COL14A1: variants seen among roughly 807,000 people sequenced by gnomAD.
The protein encoded by COL14A1 is collagen type XIV alpha 1 chain, also known as collagen alpha-1(XIV) chain.
COL14A1 carries 136 observed loss-of-function variants against 230.3 expected under a neutral mutation model. The observed-to-expected ratio is 0.59, with a 90% CI of 0.51 to 0.68. COL14A1 has a LOEUF of 0.68. Ranked by LOEUF, COL14A1 falls within the 30% of genes least tolerant of loss-of-function variation. The pLI, the probability that COL14A1 is intolerant of heterozygous loss-of-function variation, is 0.00. For missense variants in COL14A1, 1,976 were observed against 2,215.8 expected (o/e 0.89, Z 2.17); for synonymous variants, 792 against 784.1 (o/e 1.01, Z -0.17).
At chr8:120,285,703 G>A (rs559558768) in intron 32 of COL14A1, among the ~76,000 whole-genome samples, 158 bp from the exon 33 acceptor site, 19 of 151,978 alleles carry the variant, frequency 1.3e-4, no homozygotes, top group Non-Finnish European at 1.8e-4. Context: ...AAAAGTCTGC[G>A]GCAACCTGGG....
At chr8:120,296,181 A>C (rs995738159) in intron 34 of COL14A1, among the ~76,000 whole-genome samples, 1 of 151,868 alleles carries the variant, frequency 6.6e-6, no homozygotes, top group African/African-American at 2.4e-5. Flanking sequence ...ACCTGGAAAA[A>C]AAAAGCAGTG....
At chr8:120,253,500 G>A (rs1174585866) in intron 22 of COL14A1, among the ~76,000 whole-genome samples, 1 of 152,108 alleles carries the variant, frequency 6.6e-6, no homozygotes, top group East Asian at 1.9e-4. Flanking sequence ...ATATAAATTA[G>A]TGAGTTTATT....
intron 40 of COL14A1, among the ~76,000 whole-genome samples, chr8:120,323,869 C>A (rs1821556896): frequency 6.6e-6 from 1 of 152,144 alleles, no homozygotes; most frequent in Non-Finnish European, 1.5e-5. Context: ...CAGCTTTGTT[C>A]TTTTTGCTTA....
chr8:120,309,674 T>C (rs1195982178), intron 36 of COL14A1, among the ~76,000 whole-genome samples: 1 of 152,232 alleles, frequency 6.6e-6, no homozygotes, highest in African/African-American at 2.4e-5. Flanking sequence ...TATATATGTA[T>C]GTTTTATAAC....
At chr8:120,149,061 G>A (rs1815187260) in intron 2 of COL14A1, among the ~76,000 whole-genome samples, 1 of 152,220 alleles carries the variant, frequency 6.6e-6, no homozygotes, top group Non-Finnish European at 1.5e-5. Context: ...TGAAAAGAAT[G>A]TGCTAACTTC....
chr8:120,270,251 G>A, intron 26 of COL14A1, 77 bp downstream of exon 26: 1 of 1,391,148 alleles, frequency 7.2e-7, no homozygotes, highest in Non-Finnish European at 9.8e-7. Flanking sequence ...CTACTTGTCA[G>A]GGACTATAGG....
intron 1 of COL14A1, among the ~76,000 whole-genome samples, chr8:120,137,386 A>C (rs1286999518): frequency 2.0e-5 from 3 of 152,052 alleles, no homozygotes; most frequent in African/African-American, 7.2e-5. Flanking sequence ...AGGTTTTTAA[A>C]TTTTATTAAT....
chr8:120,216,499 C>G lies in COL14A1; in HGVS notation c.1737+9C>G. ...GGACTGAAATCAATGAGGTAAGTTC[C>G]GGGACATAATGTATATTTTTTAGGT... is the stretch of plus-strand genomic sequence containing the variant. On this transcript the variant is annotated intron_variant, in intron 14 of 47. Coordinates refer to ENST00000297848, the MANE Select transcript of COL14A1 (RefSeq NM_021110.4). 6.2e-7 allele frequency: 1 copy of G among 1,603,036 alleles called. No individual in the cohort carries two copies. The highest frequency in any genetic ancestry group is 8.5e-7 in the Non-Finnish European group (1 of 1,175,778).
At chr8:120,273,371 A>G (rs1563710087) in intron 26 of COL14A1, among the ~76,000 whole-genome samples, 1 of 151,854 alleles carries the variant, frequency 6.6e-6, no homozygotes, top group Non-Finnish European at 1.5e-5. Context: ...ACCTAATGTC[A>G]CACCTCAAGG....
At chr8:120,201,984 CA>C (rs552807724) in intron 8 of COL14A1, among the ~76,000 whole-genome samples, 4 of 152,042 alleles carry the variant, frequency 2.6e-5, no homozygotes, top group African/African-American at 9.6e-5. Flanking sequence ...CTGAATATCA[CA>C]AAAAAAGCAT....
rs145684776 is a variant in COL14A1 at position 120,298,798 on chromosome 8, G to A, written c.4314+1210G>A. On this transcript the variant is annotated intron_variant, in intron 35 of 47. Coordinates refer to ENST00000297848, the MANE Select transcript of COL14A1 (RefSeq NM_021110.4). ...GTCTGTGAGATTTGACCTTATAACC[G>A]TATTAGTTTGTTCTCATGCTGCTAA... Among the ~76,000 whole-genome samples the A allele has an allele frequency of 1.8e-4, 27 of 150,740 alleles. 1 individual carries two copies. In the East Asian group the frequency reaches 4.2e-3, roughly 23 times the overall value.
chr8:120,259,222 C>T (rs1004955160), intron 23 of COL14A1, among the ~76,000 whole-genome samples: 2 of 152,024 alleles, frequency 1.3e-5, no homozygotes, highest in South Asian at 4.1e-4. Context: ...AAAATTCTAC[C>T]AGAGTAGTTA....
intron 37 of COL14A1, among the ~76,000 whole-genome samples, chr8:120,311,425 T>C (rs1586852834): frequency 1.3e-5 from 2 of 152,340 alleles, no homozygotes; most frequent in East Asian, 3.9e-4. Context: ...AGTTCGTAGA[T>C]GTTTGGTGAT....
intron 9 of COL14A1, among the ~76,000 whole-genome samples, chr8:120,204,599 C>T (rs920191015): frequency 2.9e-4 from 44 of 152,184 alleles, no homozygotes; most frequent in African/African-American, 1.1e-3. Flanking sequence ...TTGCTTTCAG[C>T]CTTTGGCTAT....
chr8:120,332,877 AG>A (rs1821919661), intron 42 of COL14A1, 142 bp downstream of exon 42: 1 of 611,252 alleles, frequency 1.6e-6, no homozygotes, highest in Non-Finnish European at 2.8e-6. Context: ...AAATTGGAAA[AG>A]CTTCTAGGAT....
chr8:120,284,591 C>T lies in COL14A1; in HGVS notation c.3967+813C>T, dbSNP rs1343243898. On this transcript the variant is annotated intron_variant, in intron 32 of 47. Transcript: ENST00000297848. ...ATAAGGAAAGTATTAAGCTTATTTC[C>T]GACTAGTATTTGTAAAAGGATTTTT... 4.6e-5 allele frequency among the ~76,000 whole-genome samples: 7 copies of T among 152,004 alleles called. No homozygotes were observed. In the South Asian group the frequency reaches 8.3e-4, roughly 18 times the overall value.
chr8:120,176,615 G>A (rs1038213391), intron 5 of COL14A1, among the ~76,000 whole-genome samples: 5 of 152,082 alleles, frequency 3.3e-5, no homozygotes, highest in Admixed American at 6.6e-5. Context: ...TTAGGTAGGC[G>A]TCAGGAGGTA....
intron 5 of COL14A1, among the ~76,000 whole-genome samples, chr8:120,171,331 G>T (rs529286739): frequency 5.9e-5 from 9 of 152,180 alleles, no homozygotes; most frequent in African/African-American, 2.2e-4. Flanking sequence ...TTAACAATCA[G>T]TGTTTGTCCA....
intron 13 of COL14A1, among the ~76,000 whole-genome samples, chr8:120,212,898 C>T (rs1175111004): frequency 6.6e-6 from 1 of 151,816 alleles, no homozygotes; most frequent in Admixed American, 6.6e-5. Flanking sequence ...AATCTCAGCT[C>T]AACTCATATT....
Sources: allele counts gnomAD v4.1 joint callset (sites outside exome capture counted in the v4.1 genomes callset), GRCh38; gene constraint gnomAD v4.1.1; transcripts MANE v1.5; gene names NCBI Gene and HGNC (gene_info 2026-07-23, HGNC 2026-07-21).